Variants in NDUFS4 observed in about 807,000 individuals in gnomAD.
NDUFS4 encodes NADH:ubiquinone oxidoreductase subunit S4, also known as NADH dehydrogenase [ubiquinone] iron-sulfur protein 4, mitochondrial.
Under a neutral mutation model 24.3 loss-of-function variants are expected in NDUFS4, and 28 were observed. The ratio of observed to expected loss-of-function variants is 1.15; its 90% CI spans 0.85 to 1.58. NDUFS4 has a LOEUF of 1.58. Among genes scored for constraint, NDUFS4 ranks in the 40% most tolerant of loss-of-function variants. NDUFS4 has a pLI of 0.00. For synonymous variants in NDUFS4, 93 were observed against 69.7 expected, an observed-to-expected ratio of 1.34 and a Z score of -1.67; for missense variants, 223 against 207.9, an observed-to-expected ratio of 1.07 and a Z score of -0.45.
chr5:53,682,566 T>C (rs1740701525), intron 4 of NDUFS4, among the ~76,000 whole-genome samples: 1 of 151,928 alleles, frequency 6.6e-6, no homozygotes, highest in African/African-American at 2.4e-5. Flanking sequence ...TTTTTGAGTT[T>C]AATCAGTAGC....
intron 4 of NDUFS4, among the ~76,000 whole-genome samples, chr5:53,660,761 C>T (rs981699873): frequency 6.6e-6 from 1 of 152,180 alleles, no homozygotes; most frequent in Non-Finnish European, 1.5e-5. Flanking sequence ...TGATGATGGG[C>T]ATTTTTTCAT....
At chr5:53,580,532 G>A (rs996202666) in intron 1 of NDUFS4, among the ~76,000 whole-genome samples, 2 of 152,090 alleles carry the variant, frequency 1.3e-5, no homozygotes, top group African/African-American at 4.8e-5. Context: ...TGAATTCTAG[G>A]TGCATAGATC....
chr5:53,604,103 T>C (rs563103761), intron 2 of NDUFS4, among the ~76,000 whole-genome samples: 1 of 152,190 alleles, frequency 6.6e-6, no homozygotes, highest in Non-Finnish European at 1.5e-5. Context: ...CCATCACTTA[T>C]AAAATATTTT....
intron 1 of NDUFS4, among the ~76,000 whole-genome samples, chr5:53,566,917 C>T (rs909806209): frequency 2.0e-5 from 3 of 148,464 alleles, no homozygotes; most frequent in African/African-American, 2.5e-5. Context: ...GGCGTGATCT[C>T]GGCTCACTGT....
At chr5:53,640,612 GAGGA>G (rs1325837511) in intron 2 of NDUFS4, among the ~76,000 whole-genome samples, 1 of 151,990 alleles carries the variant, frequency 6.6e-6, no homozygotes, top group African/African-American at 2.4e-5. Context: ...CCAGCTCTTG[GAGGA>G]ACTCTTGCAG....
At chr5:53,574,446 C>T (rs990330288) in intron 1 of NDUFS4, among the ~76,000 whole-genome samples, 1 of 152,192 alleles carries the variant, frequency 6.6e-6, no homozygotes, top group African/African-American at 2.4e-5. Context: ...TTTTCGTATA[C>T]TGGCATATTT....
intron 3 of NDUFS4, among the ~76,000 whole-genome samples, chr5:53,650,183 A>T (rs1751977552): frequency 6.6e-6 from 1 of 152,210 alleles, no homozygotes; most frequent in Non-Finnish European, 1.5e-5. Flanking sequence ...ACATTCAGTA[A>T]TAAATGATTA....
chr5:53,573,761 T>C (rs1029935122), intron 1 of NDUFS4: 10 of 219,604 alleles, frequency 4.6e-5, no homozygotes, highest in Non-Finnish European at 9.4e-5. Flanking sequence ...ACTAATTTTC[T>C]TATTTTATTT....
intron 3 of NDUFS4, among the ~76,000 whole-genome samples, chr5:53,651,402 A>T (rs2112513416): frequency 6.6e-6 from 1 of 152,110 alleles, no homozygotes; most frequent in South Asian, 2.1e-4. Context: ...ATTAAATTTT[A>T]TCACTTAACT....
intron 1 of NDUFS4, among the ~76,000 whole-genome samples, chr5:53,599,360 G>T (rs1579855468): frequency 6.6e-6 from 1 of 152,010 alleles, no homozygotes; most frequent in African/African-American, 2.4e-5. Flanking sequence ...TTCCATAGTG[G>T]TAGTACCATT....
intron 4 of NDUFS4, 160 bp downstream of exon 4, chr5:53,658,784 CAAA>C (rs35754713): frequency 4.8e-3 from 664 of 137,416 alleles, no homozygotes; most frequent in Middle Eastern, 0.013. Flanking sequence ...CACCCACCTC[CAAA>C]AAAAAAAAAA....
At chr5:53,596,516 T>G (rs1201915665) in intron 1 of NDUFS4, among the ~76,000 whole-genome samples, 1 of 152,226 alleles carries the variant, frequency 6.6e-6, no homozygotes, top group Non-Finnish European at 1.5e-5. Context: ...TCTCTCTTTT[T>G]TCTATCTAAT....
At chr5:53,585,764 T>G (rs1027925394) in intron 1 of NDUFS4, among the ~76,000 whole-genome samples, 5 of 152,082 alleles carry the variant, frequency 3.3e-5, no homozygotes, top group South Asian at 2.1e-4. Context: ...AAAGAAAATT[T>G]TTGTGTGTAT....
chr5:53,607,989 G>T (rs1750581322), intron 2 of NDUFS4, among the ~76,000 whole-genome samples: 1 of 151,876 alleles, frequency 6.6e-6, no homozygotes, highest in Non-Finnish European at 1.5e-5. Flanking sequence ...AATTTATATT[G>T]TTTTCTTCAT....
chr5:53,580,857 G>C (rs1749546394), intron 1 of NDUFS4, among the ~76,000 whole-genome samples: 1 of 127,278 alleles, frequency 7.9e-6, no homozygotes, highest in Admixed American at 8.7e-5. Flanking sequence ...CTTTCTTTTG[G>C]AGTTTCGCTC....
chr5:53,565,327 T>C (rs1363562080), intron 1 of NDUFS4, among the ~76,000 whole-genome samples: 1 of 152,264 alleles, frequency 6.6e-6, no homozygotes. Context: ...CAACCTATGC[T>C]GACTCTATTT....
At chr5:53,598,745 AT>A (rs1224189058) in intron 1 of NDUFS4, among the ~76,000 whole-genome samples, 1 of 152,216 alleles carries the variant, frequency 6.6e-6, no homozygotes, top group East Asian at 1.9e-4. Context: ...AGGTTTATTG[AT>A]AAAAACCAGG....
chr5:53,597,539 G>C (rs1035709209), intron 1 of NDUFS4, among the ~76,000 whole-genome samples: 1 of 152,152 alleles, frequency 6.6e-6, no homozygotes, highest in African/African-American at 2.4e-5. Context: ...TGGGTCAGTA[G>C]TGTTGTTTAG....
At chr5:53,582,159 C>T (rs1184841105) in intron 1 of NDUFS4, among the ~76,000 whole-genome samples, 3 of 151,084 alleles carry the variant, frequency 2.0e-5, no homozygotes, top group East Asian at 1.9e-4. Flanking sequence ...TGCAGTGAGC[C>T]GAGATCGCGC....
Sources: allele counts gnomAD v4.1 joint callset (sites outside exome capture counted in the v4.1 genomes callset), GRCh38; gene constraint gnomAD v4.1.1; transcripts MANE v1.5; gene names NCBI Gene and HGNC (gene_info 2026-07-23, HGNC 2026-07-21).